The following DCC variants were observed in gnomAD, a reference collection of about 807,000 sequenced individuals.
DCC encodes netrin receptor DCC.
A neutral mutation model predicts 172.5 loss-of-function variants in DCC; 58 were observed. The observed-to-expected ratio is 0.34, with a 90% confidence interval of 0.27 to 0.42. The LOEUF (loss-of-function observed/expected upper bound fraction) is 0.42, where lower values mean the gene tolerates loss of function less well. DCC is among the 10% of genes least tolerant of loss of function. DCC has a pLI of 1.00. For synonymous variants in DCC, 709 were observed against 644.5 expected, an observed-to-expected ratio of 1.10 and a Z score of -1.52; for missense variants, 1,740 against 1,791.0, an observed-to-expected ratio of 0.97 and a Z score of 0.51.
intron 15 of DCC, among the ~76,000 whole-genome samples, chr18:53,341,097 TAA>T (rs1308456534): frequency 2.0e-5 from 3 of 152,208 alleles, no homozygotes; most frequent in Non-Finnish European, 4.4e-5. Context: ...AGTTTGAATG[TAA>T]AGGCAATCAC....
chr18:53,089,046 T>C (rs1191960972), intron 7 of DCC, among the ~76,000 whole-genome samples: 1 of 152,224 alleles, frequency 6.6e-6, no homozygotes, highest in African/African-American at 2.4e-5. Context: ...TTATTAGTTT[T>C]ATAAATCAAT....
chr18:52,499,497 G>T, intron 1 of DCC, among the ~76,000 whole-genome samples: 1 of 152,130 alleles, frequency 6.6e-6, no homozygotes, highest in East Asian at 1.9e-4. Context: ...GATGCAATAA[G>T]ACCAACTATT....
intron 24 of DCC, among the ~76,000 whole-genome samples, chr18:53,461,889 T>C (rs1322180495): frequency 1.3e-5 from 2 of 152,140 alleles, no homozygotes; most frequent in South Asian, 2.1e-4. Context: ...GGACTGGGGG[T>C]CAGAATTTGT....
intron 1 of DCC, among the ~76,000 whole-genome samples, chr18:52,345,014 A>G (rs374095349): frequency 1.1e-4 from 17 of 152,326 alleles, no homozygotes; most frequent in Middle Eastern, 3.4e-3. Context: ...GCCTGATTAC[A>G]GATCTTCCTA....
intron 3 of DCC, among the ~76,000 whole-genome samples, chr18:52,914,900 C>T (rs2040019197): frequency 6.6e-6 from 1 of 152,100 alleles, no homozygotes; most frequent in African/African-American, 2.4e-5. Flanking sequence ...AAATACCCCA[C>T]AGTAGCCTGC....
At chr18:53,225,766 G>A (rs1876724348) in intron 12 of DCC, among the ~76,000 whole-genome samples, 1 of 152,180 alleles carries the variant, frequency 6.6e-6, no homozygotes, top group African/African-American at 2.4e-5. Context: ...TGAATTTAAA[G>A]TGAAACTAAC....
chr18:52,665,441 T>C (rs1478112231), intron 1 of DCC, among the ~76,000 whole-genome samples: 2 of 152,244 alleles, frequency 1.3e-5, no homozygotes, highest in African/African-American at 4.8e-5. Flanking sequence ...TCATTAATTA[T>C]ATAAAATATT....
At chr18:52,987,113 C>T (rs1346022314) in intron 5 of DCC, among the ~76,000 whole-genome samples, 1 of 152,092 alleles carries the variant, frequency 6.6e-6, no homozygotes, top group Non-Finnish European at 1.5e-5. Flanking sequence ...TGAGACTCCG[C>T]GCCTGGCCCA....
intron 1 of DCC, among the ~76,000 whole-genome samples, chr18:52,462,871 T>TGAAG (rs1260511669): frequency 2.0e-5 from 3 of 152,198 alleles, no homozygotes; most frequent in East Asian, 3.9e-4. Flanking sequence ...AATGAATGAA[T>TGAAG]GACGGAAATG....
chr18:52,456,455 G>A (rs1321207629), intron 1 of DCC, among the ~76,000 whole-genome samples: 1 of 152,060 alleles, frequency 6.6e-6, no homozygotes, highest in Non-Finnish European at 1.5e-5. Flanking sequence ...ATATAGTAAA[G>A]GTTATTCAAA....
intron 1 of DCC, among the ~76,000 whole-genome samples, chr18:52,743,469 T>A (rs955811273): frequency 9.2e-5 from 14 of 152,072 alleles, no homozygotes; most frequent in African/African-American, 3.1e-4. Context: ...GGAAAAAAAA[T>A]TTCATTACAA....
intron 8 of DCC, among the ~76,000 whole-genome samples, chr18:53,168,119 G>A (rs1029148711): frequency 1.3e-5 from 2 of 152,210 alleles, no homozygotes; most frequent in African/African-American, 2.4e-5. Context: ...GTTGGTGGGA[G>A]TGTAAATTAG....
intron 20 of DCC, among the ~76,000 whole-genome samples, chr18:53,413,182 G>C (rs1318949025): frequency 6.6e-6 from 1 of 152,132 alleles, no homozygotes; most frequent in Non-Finnish European, 1.5e-5. Context: ...CTGGTGGAGG[G>C]AGGGAGTCAC....
At chr18:52,873,652 A>G (rs2145388917) in intron 2 of DCC, among the ~76,000 whole-genome samples, 1 of 152,338 alleles carries the variant, frequency 6.6e-6, no homozygotes, top group East Asian at 1.9e-4. Flanking sequence ...TCAACAGTGA[A>G]TACAGCTGAT....
At chr18:52,430,658 A>C (rs1191553002) in intron 1 of DCC, among the ~76,000 whole-genome samples, 3 of 152,174 alleles carry the variant, frequency 2.0e-5, no homozygotes, top group Admixed American at 1.3e-4. Context: ...GGAGCTGTGC[A>C]AAACCGCTGT....
intron 1 of DCC, among the ~76,000 whole-genome samples, chr18:52,500,679 A>G (rs2030983980): frequency 6.6e-6 from 1 of 152,198 alleles, no homozygotes; most frequent in Non-Finnish European, 1.5e-5. Context: ...TGAAATTAGC[A>G]TACATTAACA....
chr18:52,889,247 C>A (rs1251559515), intron 2 of DCC, among the ~76,000 whole-genome samples: 1 of 151,984 alleles, frequency 6.6e-6, no homozygotes, highest in Non-Finnish European at 1.5e-5. Flanking sequence ...CAGTAAGGCC[C>A]TTTCTAGCTT....
chr18:53,381,617 C>G (rs1470292492), intron 15 of DCC, among the ~76,000 whole-genome samples: 3 of 119,704 alleles, frequency 2.5e-5, no homozygotes, highest in African/African-American at 9.6e-5. Flanking sequence ...TGTTGTTGCT[C>G]TAAAGGTTGA....
chr18:53,147,810 G>C (rs1188597212), intron 7 of DCC, among the ~76,000 whole-genome samples: 2 of 152,124 alleles, frequency 1.3e-5, no homozygotes, highest in Non-Finnish European at 2.9e-5. Flanking sequence ...CCATATCCTT[G>C]AGTAAATTAT....
Sources: allele counts gnomAD v4.1 joint callset (sites outside exome capture counted in the v4.1 genomes callset), GRCh38; gene constraint gnomAD v4.1.1; transcripts MANE v1.5; gene names NCBI Gene and HGNC (gene_info 2026-07-23, HGNC 2026-07-21).